PLOD2: variants seen among roughly 807,000 people sequenced by gnomAD.
The protein encoded by PLOD2 is lysine hydroxylase 2.
PLOD2 carries 65 observed loss-of-function variants against 101.0 expected under a neutral mutation model. The ratio of observed to expected loss-of-function variants is 0.64; its 90% CI spans 0.53 to 0.79. PLOD2 has a LOEUF of 0.79. Among genes scored for constraint, PLOD2 ranks in the 30% least tolerant of loss-of-function variants. PLOD2 has a pLI of 0.00. For synonymous variants in PLOD2, 314 were observed against 302.9 expected, an observed-to-expected ratio of 1.04 and a Z score of -0.38; for missense variants, 909 against 914.6, an observed-to-expected ratio of 0.99 and a Z score of 0.08.
At chr3:146,146,960 C>T (rs144221408) in intron 1 of PLOD2, among the ~76,000 whole-genome samples, 2 of 152,256 alleles carry the variant, frequency 1.3e-5, no homozygotes, top group African/African-American at 2.4e-5. Context: ...CTAGGGCAAG[C>T]CATGGGTTAA....
At chr3:146,130,529 A>C (rs2030848346) in intron 1 of PLOD2, among the ~76,000 whole-genome samples, 1 of 152,216 alleles carries the variant, frequency 6.6e-6, no homozygotes, top group African/African-American at 2.4e-5. Context: ...TTAAGCACAC[A>C]GTAGGTTCTT....
At position 146,102,862 on chromosome 3, in the gene PLOD2, AAAGAG is replaced by A. The variant is rs775938929; in HGVS notation, c.680-15_680-11del. ...TTTAAAACAACTTCATCTGGGTTAAAAAGAGAAAATAGGCTTTAGTAATTTAAAAT... is the reference window on the plus strand; with the variant it reads ...TTTAAAACAACTTCATCTGGGTTAAAAAAATAGGCTTTAGTAATTTAAAAT... On this transcript the variant is annotated splice_polypyrimidine_tract_variant and intron_variant, in intron 6 of 19. Transcript: ENST00000282903. 4.9e-6 allele frequency: 7 copies of A among 1,426,796 alleles called. No homozygotes were observed. Among genetic ancestry groups the A allele is most frequent in the Non-Finnish European group, 5.9e-6 (6 of 1,009,634 alleles). 88.4% of individuals were successfully genotyped at this position (1,426,796 alleles called of 1,614,324 possible). A position where few individuals can be genotyped will look rare whatever the true frequency, so the allele number is the denominator to read the frequency against.
intron 2 of PLOD2, among the ~76,000 whole-genome samples, chr3:146,121,933 A>G (rs2030186917): frequency 6.6e-6 from 1 of 152,198 alleles, no homozygotes; most frequent in African/African-American, 2.4e-5. Flanking sequence ...AGGGAACAGA[A>G]AGTGCAATAC....
chr3:146,118,398 T>C (rs1938020506), intron 3 of PLOD2, among the ~76,000 whole-genome samples: 1 of 152,108 alleles, frequency 6.6e-6, no homozygotes, highest in Non-Finnish European at 1.5e-5. Flanking sequence ...TGTACGGCAC[T>C]GGGACTTCAT....
intron 8 of PLOD2, among the ~76,000 whole-genome samples, chr3:146,089,069 G>A (rs1297858648): frequency 2.0e-5 from 3 of 151,446 alleles, no homozygotes; most frequent in Non-Finnish European, 3.0e-5. Flanking sequence ...TGAAAGTTTC[G>A]TCTAAGAAAC....
chr3:146,115,719 T>C (rs533812056), intron 3 of PLOD2, among the ~76,000 whole-genome samples: 1 of 152,300 alleles, frequency 6.6e-6, no homozygotes, highest in South Asian at 2.1e-4. Context: ...GTTCCCAGAC[T>C]GTATCAATGG....
At chr3:146,072,186 A>T (rs1936166996) in intron 17 of PLOD2, among the ~76,000 whole-genome samples, 1 of 151,732 alleles carries the variant, frequency 6.6e-6, no homozygotes, top group South Asian at 2.1e-4. Flanking sequence ...GCCAGATAAC[A>T]TTTGCCTTAG....
intron 3 of PLOD2, among the ~76,000 whole-genome samples, chr3:146,119,067 G>A (rs535456835): frequency 1.3e-5 from 2 of 152,264 alleles, no homozygotes; most frequent in South Asian, 4.1e-4. Context: ...CTCAGTGCTG[G>A]AGGTGGGGTT....
intron 12 of PLOD2, among the ~76,000 whole-genome samples, chr3:146,080,758 CAG>C (rs199694824): frequency 0.011 from 1,609 of 152,260 alleles, 17 homozygotes; most frequent in Middle Eastern, 0.024. Context: ...ACAACTCACC[CAG>C]AGTCAATACA....
intron 6 of PLOD2, among the ~76,000 whole-genome samples, chr3:146,103,066 CA>C (rs970845678): frequency 5.3e-5 from 8 of 152,224 alleles, no homozygotes; most frequent in African/African-American, 1.7e-4. Context: ...ATACAGATAC[CA>C]AACTCACTCC....
intron 7 of PLOD2, among the ~76,000 whole-genome samples, chr3:146,094,920 A>G (rs1937098413): frequency 6.6e-6 from 1 of 152,130 alleles, no homozygotes; most frequent in South Asian, 2.1e-4. Context: ...AACACCACAC[A>G]TCTACAACCA....
intron 3 of PLOD2, among the ~76,000 whole-genome samples, chr3:146,114,210 G>A (rs556639159): frequency 1.3e-4 from 20 of 150,360 alleles, no homozygotes; most frequent in Admixed American, 1.1e-3. Flanking sequence ...CTGTGATCTC[G>A]CTTTGCCCCC....
chr3:146,096,980 G>A (rs1361275118), intron 7 of PLOD2, among the ~76,000 whole-genome samples: 3 of 131,550 alleles, frequency 2.3e-5, no homozygotes, highest in African/African-American at 5.9e-5. Flanking sequence ...CCGGCCAGCC[G>A]CCCCGGCCGG....
chr3:146,096,219 C>T (rs1226913335), intron 7 of PLOD2, among the ~76,000 whole-genome samples: 36 of 132,386 alleles, frequency 2.7e-4, no homozygotes, highest in African/African-American at 9.6e-4. Context: ...AGTGCAGTGG[C>T]GTGATCTCGG....
Position 146,086,891 on chromosome 3 carries a change from C to G in PLOD2, c.1023G>C (p.Lys341Asn). ...FIHNKEVYHE[K>N]DIKVFFDKAK... ...CTTTATCAAAAAATACCTTGATGTC[C>G]TTTTCATGATAAACTTCCTGTAACA... Residue 341 changes from lysine to asparagine, a missense_variant, in exon 10 of 20, where the codon AAG becomes AAC. Transcript: ENST00000282903. The G allele has an allele frequency of 1.3e-6, 2 of 1,505,390 alleles. No homozygotes were observed. Among genetic ancestry groups the G allele is most frequent in the Non-Finnish European group, 1.8e-6 (2 of 1,095,338 alleles). 93.3% of individuals were successfully genotyped at this position (1,505,390 alleles called of 1,614,324 possible). A position where few individuals can be genotyped will look rare whatever the true frequency, so the allele number is the denominator to read the frequency against.
chr3:146,101,897 G>A (rs1937401294), intron 7 of PLOD2, among the ~76,000 whole-genome samples: 3 of 152,164 alleles, frequency 2.0e-5, no homozygotes, highest in Admixed American at 2.0e-4. Context: ...AACCAAAGGG[G>A]AAAGATTAAC....
chr3:146,089,142 C>T (rs1936890998), intron 8 of PLOD2, among the ~76,000 whole-genome samples: 1 of 151,512 alleles, frequency 6.6e-6, no homozygotes. Flanking sequence ...TAATTTTGAG[C>T]ACATAAAAAG....
chr3:146,123,486 C>T (rs1353683682), intron 2 of PLOD2, among the ~76,000 whole-genome samples: 3 of 149,582 alleles, frequency 2.0e-5, no homozygotes, highest in African/African-American at 7.4e-5. Context: ...CATTAACAAT[C>T]CTCCCAAATA....
At chr3:146,077,517 C>T (rs934644245) in intron 14 of PLOD2, 10 of 196,686 alleles carry the variant, frequency 5.1e-5, no homozygotes, top group South Asian at 1.2e-4. Flanking sequence ...CAATAAGGTG[C>T]ACCTAAACCT....
Sources: gnomAD v4.1 joint callset for allele counts (sites outside exome capture counted in the v4.1 genomes callset) on GRCh38, gnomAD v4.1.1 for gene constraint, MANE v1.5 for transcripts, NCBI Gene and HGNC (gene_info 2026-07-23, HGNC 2026-07-21) for gene names.